ESRP2: variants seen among roughly 807,000 people sequenced by gnomAD.
ESRP2 encodes epithelial splicing regulatory protein 2.
In ESRP2, 48 loss-of-function variants were observed where a neutral mutation model predicts 78.6. That is an observed-to-expected ratio of 0.61 (90% CI 0.48 to 0.78). The LOEUF (loss-of-function observed/expected upper bound fraction) is 0.78. ESRP2 is among the 30% of genes least tolerant of loss of function. ESRP2 has a pLI of 0.00. For missense variants in ESRP2, 863 were observed against 965.9 expected, an observed-to-expected ratio of 0.89 and a Z score of 1.41; for synonymous variants, 383 against 406.7, an observed-to-expected ratio of 0.94 and a Z score of 0.70.
In ESRP2 at chr16:68,231,656, T is replaced by A; in HGVS notation, c.1338A>T (p.Thr446=). 6.2e-7 allele frequency: 1 copy of A among 1,612,542 alleles called. No individual in the cohort carries two copies. Among genetic ancestry groups the A allele is most frequent in the Non-Finnish European group, 8.5e-7 (1 of 1,179,166 alleles). ...NRYASGPLLP[T]LTAPLLPIPF... is the part of the protein sequence containing the mutation. ...GGATGGGCAGCAGTGGGGCAGTCAG[T>A]GTAGGAAGGAGTGGGCCGGATGCAT... Residue 446 remains threonine (T), a synonymous_variant, in exon 11 of 15, where the codon ACA becomes ACT. Coordinates refer to ENST00000473183, the MANE Select transcript of ESRP2 (RefSeq NM_024939.3). The surrounding 1 kb of genome is among the most constrained non-coding windows in gnomAD (Gnocchi z 6.0).
At chr16:68,233,044 C>A in intron 5 of ESRP2, 1 of 633,916 alleles carries the variant, frequency 1.6e-6, no homozygotes, top group Non-Finnish European at 2.7e-6. Context: ...ACTAAAAATA[C>A]AAAAATTAGG....
rs558333548 is a variant in ESRP2 at position 68,231,991 on chromosome 16, T to C, written c.1110A>G (p.Pro370=). The C allele has an allele frequency of 1.2e-6, 2 of 1,614,034 alleles. No homozygotes were observed. The highest frequency in any genetic ancestry group is 1.3e-5 in the African/African-American group (1 of 75,006). ...CGGTACCCCCAGTCACTGGGCACTC[T>C]GGCCCCAGGAAGCCAAGCACGTCCG... The part of the protein sequence containing the change: ...GPTDVLGFLG[P]ECPVTGGTEG... Residue 370 remains proline, a synonymous_variant, in exon 10 of 15, where the codon CCA becomes CCG. Transcript: ENST00000473183. This position sits in a 1 kb window ranked among gnomAD's most constrained non-coding sequence, Gnocchi z 6.0.
At chr16:68,230,704 A>T (rs2042119809) in intron 13 of ESRP2, 137 bp downstream of exon 13, 2 of 1,428,624 alleles carry the variant, frequency 1.4e-6, no homozygotes, top group Non-Finnish European at 1.9e-6. Flanking sequence ...TCTGTTTTGT[A>T]GATGGCATTA....
At position 68,229,941 on chromosome 16, in the gene ESRP2, C is replaced by T. The variant is rs1471841613; in HGVS notation, c.*285G>A. 1.6e-5 allele frequency: 8 copies of T among 496,146 alleles called. No individual in the cohort carries two copies. The highest frequency in any genetic ancestry group is 2.9e-5 in the Non-Finnish European group (8 of 272,070). 30.7% of individuals were successfully genotyped at this position (496,146 alleles called of 1,614,324 possible). The stretch of plus-strand genomic sequence containing the variant: ...CGGCATGGGCCACAGCCAGGACAGA[C>T]TTAAGGGCTCTCCAGGTGCCAGTCA... On this transcript the variant is annotated 3_prime_UTR_variant, in exon 15 of 15. Transcript: ENST00000473183.
Position 68,229,907 on chromosome 16 carries a change from G to A in ESRP2, c.*319C>T, listed in dbSNP as rs1424418625. 3 of 371,510 alleles carry A rather than the reference G, an allele frequency of 8.1e-6. No individual in the cohort carries two copies. The highest frequency in any genetic ancestry group is 1.5e-5 in the Non-Finnish European group (3 of 199,636). 23.0% of individuals were successfully genotyped at this position (371,510 alleles called of 1,614,324 possible). A position where few individuals can be genotyped will look rare whatever the true frequency, so the allele number is the denominator to read the frequency against. ...CCTGCCGTGGACCTGTCAGCCCCAC[G>A]ATATCTGTCGGCATGGGCCACAGCC... On this transcript the variant is annotated 3_prime_UTR_variant, in exon 15 of 15. Transcript: ENST00000473183.
chr16:68,230,270 G>T lies in ESRP2; in HGVS notation c.2110C>A (p.Pro704Thr). 1.9e-6 allele frequency: 3 copies of T among 1,614,198 alleles called. No individual in the cohort carries two copies. The highest frequency in any genetic ancestry group is 1.7e-6 in the Non-Finnish European group (2 of 1,180,040). ...TTGGGGGCTTGTAACACAGTGCGAGGTGGGTCACCAACAGGCATCAGACTG... is the reference window on the plus strand; with the variant it reads ...TTGGGGGCTTGTAACACAGTGCGAGTTGGGTCACCAACAGGCATCAGACTG... ...YTSLMPVGDP[P>T]RTVLQAPKEW... Residue 704 changes from proline to threonine, a missense_variant, in exon 15 of 15, where the codon CCT (proline) becomes ACT (threonine). Pro to Thr is a conservative substitution (Grantham distance 38). Coordinates refer to ENST00000473183, the MANE Select transcript of ESRP2 (RefSeq NM_024939.3).
chr16:68,230,003 C>A lies in ESRP2; in HGVS notation c.*223G>T. 1.7e-6 allele frequency: 1 copy of A among 583,230 alleles called. No homozygotes were observed. Among genetic ancestry groups the A allele is most frequent in the Non-Finnish European group, 3.1e-6 (1 of 327,222 alleles). The allele number at this position is 583,230 out of a possible 1,614,324, so 36.1% of individuals were successfully genotyped here. A position where few individuals can be genotyped will look rare whatever the true frequency, so the allele number is the denominator to read the frequency against. On this transcript the variant is annotated 3_prime_UTR_variant, in exon 15 of 15. Coordinates refer to ENST00000473183, the MANE Select transcript of ESRP2 (RefSeq NM_024939.3). ...TCAGGCCATCAGGAGCTGGTTAGCC[C>A]CATTCCACCCCCAGCCCTGCATGCA...
At position 68,231,545 on chromosome 16, in the gene ESRP2, G is replaced by T. The variant is rs1174887477; in HGVS notation, c.1449C>A (p.Ser483Arg). The change falls in exon 11 of 15, where the codon AGC becomes AGA. Residue 483 changes from serine (S) to arginine (R), a missense_variant. Ser to Arg is a moderately radical substitution (Grantham distance 110, BLOSUM62 -1). Transcript: ENST00000473183. This position sits in a 1 kb window ranked among gnomAD's most constrained non-coding sequence, Gnocchi z 6.0. ...PYTATIEDIL[S>R]FLGEAAADIR... ...TGTCAGCTGCTGCCTCCCCCAGAAA[G>T]CTCAGGATGTCTTCAATGGTGGCCG... is the stretch of plus-strand genomic sequence containing the variant. The T allele has an allele frequency of 6.2e-7, 1 of 1,614,156 alleles. No individual in the cohort carries two copies.
In ESRP2 at chr16:68,233,793, G is replaced by C; in HGVS notation, c.531C>G (p.Asp177Glu). The C allele has an allele frequency of 6.2e-7, 1 of 1,613,892 alleles. No individual in the cohort carries two copies. Among genetic ancestry groups the C allele is most frequent in the Non-Finnish European group, 8.5e-7 (1 of 1,179,876 alleles). ...MQHPSTCPAR[D>E]LTVATMAQGL... ...CCTGTGCCATGGTGGCCACAGTGAG[G>C]TCCCTGGCAGGGCAGGTGCTTGGAT... Residue 177 changes from aspartate (D) to glutamate (E), a missense_variant, in exon 4 of 15, where the codon GAC becomes GAG. By Grantham distance (45) the Asp-to-Glu change is conservative. Coordinates refer to ENST00000473183, the MANE Select transcript of ESRP2 (RefSeq NM_024939.3).
In ESRP2 at chr16:68,231,947, C is replaced by G; in HGVS notation, c.1154G>C (p.Arg385Pro). The change falls in exon 10 of 15, where the codon CGC (arginine) becomes CCC (proline). Residue 385 changes from arginine (R) to proline (P), a missense_variant. Physicochemically the swap from Arg to Pro is moderately radical, Grantham distance 103. Transcript: ENST00000473183. The surrounding 1 kb of genome is among the most constrained non-coding windows in gnomAD (Gnocchi z 6.0). Reference sequence around the variant, plus strand: ...ACCAGTCGGCCGGCCATCAGGATGGCGCACAAAGAGCAGCCCCTCGGTACC... The same window carrying G: ...ACCAGTCGGCCGGCCATCAGGATGGGGCACAAAGAGCAGCCCCTCGGTACC... Reference protein sequence around the residue: ...TGGTEGLLFVRHPDGRPTGDA... With the variant: ...TGGTEGLLFVPHPDGRPTGDA... 1 of 1,614,092 alleles carries G rather than the reference C, an allele frequency of 6.2e-7. No individual in the cohort carries two copies. Among genetic ancestry groups the G allele is most frequent in the African/African-American group, 1.3e-5 (1 of 75,038 alleles).
rs1296106995 is a variant in ESRP2 at position 68,231,829 on chromosome 16, G to T, written c.1272C>A (p.Phe424Leu). Residue 424 changes from phenylalanine (F) to leucine (L), a missense_variant, in exon 10 of 15, where the codon TTC becomes TTA. Transcript: ENST00000473183. The surrounding 1 kb of genome is among the most constrained non-coding windows in gnomAD (Gnocchi z 6.0). ...GCTGCACTTCGGCTGCAGTGCTCCGGAAGAGTTCAATGTATCGCTTACCCA... is the reference window on the plus strand; with the variant it reads ...GCTGCACTTCGGCTGCAGTGCTCCGTAAGAGTTCAATGTATCGCTTACCCA... ...GMLGKRYIELFRSTAAEVQQV... is the reference protein window; with the variant it reads ...GMLGKRYIELLRSTAAEVQQV... 1.2e-6 allele frequency: 2 copies of T among 1,612,812 alleles called. No individual in the cohort carries two copies. The highest frequency in any genetic ancestry group is 3.3e-5 in the Admixed American group (2 of 59,982).
In ESRP2 at chr16:68,232,430, C is replaced by G; in HGVS notation, c.895G>C (p.Glu299Gln). 6.2e-7 allele frequency: 1 copy of G among 1,614,088 alleles called. No homozygotes were observed. Among genetic ancestry groups the G allele is most frequent in the Non-Finnish European group, 8.5e-7 (1 of 1,180,022 alleles). ...CTCTGCAGCGCTAGGTCCCGCTGCT[C>G]GCTGTCCACAAAGCGGATGAGGGCC... ...GEALIRFVDSEQRDLALQRHK... is the reference protein window; with the variant it reads ...GEALIRFVDSQQRDLALQRHK... The change falls in exon 8 of 15, where the codon GAG (glutamate) becomes CAG (glutamine). Residue 299 changes from glutamate to glutamine, a missense_variant. Transcript: ENST00000473183. This position sits in a 1 kb window ranked among gnomAD's most constrained non-coding sequence, Gnocchi z 5.2.
At position 68,231,174 on chromosome 16, in the gene ESRP2, T is replaced by C; in HGVS notation, c.1711+4A>G. 3.1e-6 allele frequency: 5 copies of C among 1,612,898 alleles called. No individual in the cohort carries two copies. The highest frequency in any genetic ancestry group is 4.2e-6 in the Non-Finnish European group (5 of 1,179,868). On this transcript the variant is annotated splice_donor_region_variant and intron_variant, in intron 12 of 14. Transcript: ENST00000473183. This position sits in a 1 kb window ranked among gnomAD's most constrained non-coding sequence, Gnocchi z 6.0. ...CCTCCTCCCCTAGCCCCTAGGGCAC[T>C]CACAGGGCAGCTTGCAGGGTGGAGG...
Position 68,235,315 on chromosome 16 carries a change from A to G in ESRP2, c.327+319T>C, listed in dbSNP as rs1002539352. ...TCCGGCTGCGGCTCAGGGAGACCTG[A>G]CCCAGCAGGTCTCCCAAAGGCGTCT... On this transcript the variant is annotated intron_variant, in intron 2 of 14. Transcript: ENST00000473183. This position sits in a 1 kb window ranked among gnomAD's most constrained non-coding sequence, Gnocchi z 5.5. 4.1e-6 allele frequency: 4 copies of G among 984,926 alleles called. No individual in the cohort carries two copies. Among genetic ancestry groups the G allele is most frequent in the Non-Finnish European group, 4.8e-6 (4 of 829,848 alleles). 61.0% of individuals were successfully genotyped at this position (984,926 alleles called of 1,614,324 possible).
rs2042173710 is a variant in ESRP2 at position 68,233,366 on chromosome 16, T to C, written c.616A>G (p.Met206Val). The C allele has an allele frequency of 6.2e-7, 1 of 1,614,158 alleles. No individual in the cohort carries two copies. Among genetic ancestry groups the C allele is most frequent in the Non-Finnish European group, 8.5e-7 (1 of 1,180,006 alleles). ...DDFGVWEVKTMVAVILHLLKE... is the reference protein window; with the variant it reads ...DDFGVWEVKTVVAVILHLLKE... Reference sequence around the variant, plus strand: ...AGTAGATGGAGGATAACAGCTACCATTGTCTTGACTTCCCAGACCCCAAAG... The same window carrying C: ...AGTAGATGGAGGATAACAGCTACCACTGTCTTGACTTCCCAGACCCCAAAG... Residue 206 changes from methionine (M) to valine (V), a missense_variant, in exon 5 of 15, where the codon ATG (methionine) becomes GTG (valine). Met to Val is a conservative substitution (Grantham distance 21). Transcript: ENST00000473183.
chr16:68,233,461 C>T, intron 4 of ESRP2, 36 bp from the exon 5 acceptor site: 1 of 1,482,784 alleles, frequency 6.7e-7, no homozygotes, highest in East Asian at 2.3e-5. Flanking sequence ...GACATCTTAG[C>T]ATAAGCACTA....
Position 68,235,804 on chromosome 16 carries a change from C to T in ESRP2, c.199-42G>A, listed in dbSNP as rs758833751. 1.9e-5 allele frequency: 31 copies of T among 1,610,052 alleles called. No homozygotes were observed. The South Asian group carries it at 3.4e-4, about 18-fold the overall frequency. ...AAACCGATCAGCCGCGCCCCTCGAC[C>T]CCGGAAGCTCCCTGGGGACCTCACC... is the stretch of plus-strand genomic sequence containing the variant. On this transcript the variant is annotated intron_variant, in intron 1 of 14. Coordinates refer to ENST00000473183, the MANE Select transcript of ESRP2 (RefSeq NM_024939.3). This position sits in a 1 kb window ranked among gnomAD's most constrained non-coding sequence, Gnocchi z 5.5.
chr16:68,233,254 G>T, intron 5 of ESRP2, 73 bp downstream of exon 5: 2 of 1,025,534 alleles, frequency 2.0e-6, no homozygotes, highest in Non-Finnish European at 3.1e-6. Context: ...TCTTAGAGAA[G>T]GTCACAGTGG....
rs2042092298 is a variant in ESRP2, at chr16:68,229,225, G to C, written c.*1001C>G. 6.6e-6 allele frequency: 1 copy of C among 152,242 alleles called. No homozygotes were observed. Among genetic ancestry groups the C allele is most frequent in the African/African-American group, 2.4e-5 (1 of 41,456 alleles). The allele number at this position is 152,242 out of a possible 1,614,324, so 9.4% of individuals were successfully genotyped here. ...CAGCAGTTGAGGCTCCTCAGTTTTA[G>C]TGCTGAAATAATAAACAGTGACAGG... On this transcript the variant is annotated 3_prime_UTR_variant, in exon 15 of 15. Transcript: ENST00000473183.
Sources: gnomAD v4.1 joint callset for allele counts on GRCh38, gnomAD v4.1.1 for gene constraint, Gnocchi (gnomAD v3.1) non-coding constraint, MANE v1.5 for transcripts, NCBI Gene and HGNC (gene_info 2026-07-23, HGNC 2026-07-21) for gene names.